The following MTUS2 variants were observed in gnomAD, a reference collection of about 807,000 sequenced individuals.
MTUS2 encodes the protein microtubule associated scaffold protein 2.
MTUS2 carries 40 observed loss-of-function variants against 114.1 expected under a neutral mutation model. The ratio of observed to expected loss-of-function variants is 0.35; its 90% CI spans 0.27 to 0.46. The LOEUF (loss-of-function observed/expected upper bound fraction) is 0.46. Ranked by LOEUF, MTUS2 falls within the 20% of genes least tolerant of loss-of-function variation. The pLI is 1.00. For synonymous variants in MTUS2, 688 were observed against 672.0 expected (o/e 1.02, Z -0.37); for missense variants, 1,679 against 1,705.4 (o/e 0.98, Z 0.27).
intron 4 of MTUS2, among the ~76,000 whole-genome samples, chr13:29,043,470 C>G (rs578079666): frequency 1.3e-5 from 2 of 152,088 alleles, no homozygotes; most frequent in South Asian, 4.2e-4. Flanking sequence ...TAGTTTAAGT[C>G]CATTGTTGTT....
In MTUS2 at chr13:29,452,606, G is replaced by GTA. The variant is rs1259887431; in HGVS notation, c.3184+12571_3184+12572dup. On this transcript the variant is annotated intron_variant, in intron 9 of 15. Coordinates refer to ENST00000612955, the MANE Select transcript of MTUS2 (RefSeq NM_001033602.4). ...TGTGTGTGTGTGTGTGTGTGTGTGT[G>GTA]TATATATATATATATTTTGTAGAGA... Among the ~76,000 whole-genome samples, 570 of 132,050 alleles carry GTA rather than the reference G, an allele frequency of 4.3e-3. 7 individuals are homozygous for GTA. Among genetic ancestry groups the GTA allele is most frequent in the African/African-American group, 0.013 (446 of 35,026 alleles). The allele number at this position is 132,050 out of a possible 152,430, so 86.6% of individuals were successfully genotyped here.
At chr13:29,169,258 A>G (rs1237064734) in intron 5 of MTUS2, among the ~76,000 whole-genome samples, 2 of 152,234 alleles carry the variant, frequency 1.3e-5, no homozygotes, top group African/African-American at 4.8e-5. Flanking sequence ...GGAGCTCTCT[A>G]TAGACTCTCT....
chr13:28,973,426 G>T (rs1193236452), intron 2 of MTUS2, among the ~76,000 whole-genome samples: 1 of 152,156 alleles, frequency 6.6e-6, no homozygotes, highest in Non-Finnish European at 1.5e-5. Context: ...ATATATTTCT[G>T]AGGGTCATAG....
At chr13:29,198,188 C>A (rs761330488) in intron 5 of MTUS2, among the ~76,000 whole-genome samples, 5 of 151,952 alleles carry the variant, frequency 3.3e-5, no homozygotes, top group African/African-American at 7.2e-5. Flanking sequence ...CTTCTAGGTT[C>A]TTTTATGGGT....
chr13:28,962,823 C>T (rs1432414028), intron 2 of MTUS2, among the ~76,000 whole-genome samples: 1 of 152,124 alleles, frequency 6.6e-6, no homozygotes, highest in Non-Finnish European at 1.5e-5. Context: ...GCCTTGTGGA[C>T]ACTGAGTCTG....
intron 4 of MTUS2, among the ~76,000 whole-genome samples, chr13:29,078,218 A>G (rs1889284881): frequency 6.6e-6 from 1 of 152,126 alleles, no homozygotes; most frequent in African/African-American, 2.4e-5. Context: ...AAAAATGTTT[A>G]TTAGCTTCTG....
chr13:29,425,291 T>A (rs1876428164), intron 8 of MTUS2, among the ~76,000 whole-genome samples: 1 of 152,140 alleles, frequency 6.6e-6, no homozygotes, highest in African/African-American at 2.4e-5. Context: ...CACGCACCTG[T>A]AATCCCAGCT....
chr13:29,391,389 G>A (rs75437929), intron 8 of MTUS2, among the ~76,000 whole-genome samples: 6 of 152,258 alleles, frequency 3.9e-5, no homozygotes, highest in East Asian at 1.9e-4. Context: ...TAAAGACTCC[G>A]GTTACAACTG....
chr13:29,116,618 A>G (rs1891096484), intron 5 of MTUS2, among the ~76,000 whole-genome samples: 1 of 152,196 alleles, frequency 6.6e-6, no homozygotes, highest in African/African-American at 2.4e-5. Flanking sequence ...GATAATTGTA[A>G]TAATATGCCA....
In MTUS2 at chr13:28,915,047, T is replaced by G. The variant is rs1880671053; in HGVS notation, c.-243+75197T>G. ...CAATGGGGCTCGACTCTATCCAGCT[T>G]GCCATTCTTTGTCCTTTAAATGGGG... On this transcript the variant is annotated intron_variant, in intron 2 of 15. Transcript: ENST00000612955. 2.0e-5 allele frequency among the ~76,000 whole-genome samples: 3 copies of G among 151,998 alleles called. No individual in the cohort carries two copies. In the South Asian group the frequency reaches 6.2e-4, roughly 31 times the overall value.
intron 4 of MTUS2, among the ~76,000 whole-genome samples, chr13:29,054,141 T>G (rs1361725756): frequency 6.6e-6 from 1 of 152,238 alleles, no homozygotes; most frequent in Non-Finnish European, 1.5e-5. Flanking sequence ...ATTTTAGTTT[T>G]AATTTGCATT....
chr13:29,263,530 T>G (rs1183020326), intron 5 of MTUS2, among the ~76,000 whole-genome samples: 1 of 152,176 alleles, frequency 6.6e-6, no homozygotes, highest in Non-Finnish European at 1.5e-5. Context: ...GGGGTTTAAT[T>G]GACTCACAGT....
rs575515517 is a variant in MTUS2 at position 29,357,546 on chromosome 13, C to A, written c.2906-1716C>A. ...AAAAATATCTATCTTTGGTCTTAGG[C>A]TGTGTCTTAGAGTTTAATGCAGGCA... On this transcript the variant is annotated intron_variant, in intron 7 of 15. Coordinates refer to ENST00000612955, the MANE Select transcript of MTUS2 (RefSeq NM_001033602.4). Among the ~76,000 whole-genome samples the A allele has an allele frequency of 3.1e-4, 47 of 152,254 alleles. No homozygotes were observed. The South Asian group carries it at 9.1e-3, about 30-fold the overall frequency.
At chr13:28,995,668 A>C (rs1462262773) in intron 2 of MTUS2, among the ~76,000 whole-genome samples, 1 of 152,182 alleles carries the variant, frequency 6.6e-6, no homozygotes, top group East Asian at 1.9e-4. Context: ...AGCAATTGTG[A>C]ATGGGAGTTC....
At chr13:29,319,981 G>A (rs1900185026) in intron 6 of MTUS2, among the ~76,000 whole-genome samples, 1 of 152,202 alleles carries the variant, frequency 6.6e-6, no homozygotes, top group Non-Finnish European at 1.5e-5. Context: ...GTTAGACAGG[G>A]AAGCTGCAGT....
intron 1 of MTUS2, among the ~76,000 whole-genome samples, chr13:28,823,660 G>A (rs551237132): frequency 6.6e-6 from 1 of 152,272 alleles, no homozygotes; most frequent in East Asian, 1.9e-4. Flanking sequence ...AAACAATTTT[G>A]TCTGTGCTCC....
chr13:29,309,294 G>T (rs1271920823), intron 6 of MTUS2, among the ~76,000 whole-genome samples: 2 of 152,170 alleles, frequency 1.3e-5, no homozygotes, highest in Non-Finnish European at 2.9e-5. Flanking sequence ...CACAGATGGA[G>T]TTGGAAGCCA....
At chr13:29,301,298 G>T (rs2139607294) in intron 6 of MTUS2, among the ~76,000 whole-genome samples, 1 of 152,246 alleles carries the variant, frequency 6.6e-6, no homozygotes, top group Middle Eastern at 3.4e-3. Flanking sequence ...TGATGGTGAT[G>T]GCCCTCTTTA....
intron 5 of MTUS2, among the ~76,000 whole-genome samples, chr13:29,263,744 A>T (rs1010834796): frequency 2.1e-4 from 32 of 152,094 alleles, no homozygotes; most frequent in Non-Finnish European, 1.5e-4. Context: ...CTCACTCATC[A>T]CCAAGGGGGT....
Sources: gnomAD v4.1 joint callset for allele counts (sites outside exome capture counted in the v4.1 genomes callset) on GRCh38, gnomAD v4.1.1 for gene constraint, MANE v1.5 for transcripts, NCBI Gene and HGNC (gene_info 2026-07-23, HGNC 2026-07-21) for gene names.